The following DPP6 variants were observed in gnomAD, a reference collection of about 807,000 sequenced individuals.
The protein encoded by DPP6 is dipeptidyl peptidase like 6.
A neutral mutation model predicts 122.6 loss-of-function variants in DPP6; 69 were observed. That is an observed-to-expected ratio of 0.56 (90% CI 0.46 to 0.69). DPP6 has a LOEUF of 0.69. Among genes scored for constraint, DPP6 ranks in the 30% least tolerant of loss-of-function variants. The pLI is 0.00. For synonymous variants in DPP6, 418 were observed against 433.1 expected (o/e 0.97, Z 0.43); for missense variants, 928 against 1,116.9 (o/e 0.83, Z 2.41).
At position 154,240,270 on chromosome 7, in the gene DPP6, G is replaced by T. The variant is rs138375664; in HGVS notation, c.243+187207G>T. ...AACCATATTTTAAGATACTGCCAGC[G>T]TAGATTGTCTCTGTTACCACCGGAT... On this transcript the variant is annotated intron_variant, in intron 1 of 25. Coordinates refer to ENST00000377770, the MANE Select transcript of DPP6 (RefSeq NM_130797.4). Among the ~76,000 whole-genome samples the T allele has an allele frequency of 5.6e-4, 85 of 152,148 alleles. 1 individual carries two copies. Among genetic ancestry groups the T allele is most frequent in the African/African-American group, 2.0e-3 (82 of 41,494 alleles).
At chr7:154,495,816 C>T (rs553309543) in intron 3 of DPP6, among the ~76,000 whole-genome samples, 9 of 152,216 alleles carry the variant, frequency 5.9e-5, no homozygotes, top group Admixed American at 4.6e-4. Context: ...AACAAGTGGG[C>T]GAGTCACAAA....
chr7:154,603,571 G>A (rs1403339687), intron 5 of DPP6, among the ~76,000 whole-genome samples: 1 of 99,882 alleles, frequency 1.0e-5, no homozygotes. Flanking sequence ...CAGGAGAATT[G>A]CTTGAAACCA....
At position 154,603,862 on chromosome 7, in the gene DPP6, G is replaced by A. The variant is rs183332828; in HGVS notation, c.628-33959G>A. ...ATCTATGAAAATAAAAGTCAGGTTC[G>A]GATGTAGGGTTAGAATGTAATGATT... On this transcript the variant is annotated intron_variant, in intron 5 of 25. Transcript: ENST00000377770. 2.5e-5 allele frequency among the ~76,000 whole-genome samples: 3 copies of A among 117,896 alleles called. 1 individual carries two copies. Among genetic ancestry groups the A allele is most frequent in the Admixed American group, 2.0e-4 (2 of 10,232 alleles). The allele number at this position is 117,896 out of a possible 152,430, so 77.3% of individuals were successfully genotyped here. A position where few individuals can be genotyped will look rare whatever the true frequency, so the allele number is the denominator to read the frequency against.
intron 4 of DPP6, among the ~76,000 whole-genome samples, chr7:154,555,572 A>T (rs1296293636): frequency 5.9e-5 from 9 of 152,228 alleles, no homozygotes; most frequent in Middle Eastern, 3.4e-3. Context: ...CATATGTAAC[A>T]AACCTGCATG....
intron 3 of DPP6, among the ~76,000 whole-genome samples, chr7:154,521,965 ACT>A (rs1476651684): frequency 2.0e-5 from 3 of 148,734 alleles, no homozygotes; most frequent in African/African-American, 7.5e-5. Flanking sequence ...GGTCTTTCTA[ACT>A]CTTTTTTTTT....
At chr7:154,646,741 T>C (rs1388030727) in intron 6 of DPP6, among the ~76,000 whole-genome samples, 1 of 152,166 alleles carries the variant, frequency 6.6e-6, no homozygotes, top group Non-Finnish European at 1.5e-5. Context: ...CTGCCTGTAA[T>C]ACCAGTAGCT....
intron 1 of DPP6, among the ~76,000 whole-genome samples, chr7:154,270,593 C>G (rs1396703631): frequency 6.6e-6 from 1 of 152,150 alleles, no homozygotes; most frequent in Non-Finnish European, 1.5e-5. Context: ...TTCAGAAGCA[C>G]ATGGGTCTCC....
intron 3 of DPP6, among the ~76,000 whole-genome samples, chr7:154,495,280 G>T (rs978535588): frequency 7.2e-5 from 11 of 152,136 alleles, no homozygotes; most frequent in African/African-American, 2.7e-4. Context: ...GGCCATGGTG[G>T]GCTCTGAGTG....
intron 1 of DPP6, among the ~76,000 whole-genome samples, chr7:154,272,095 T>C (rs1325595233): frequency 3.3e-5 from 5 of 152,218 alleles, no homozygotes; most frequent in African/African-American, 1.2e-4. Context: ...AATTAGCTTC[T>C]TGAGAACAAG....
intron 1 of DPP6, among the ~76,000 whole-genome samples, chr7:154,032,364 G>A (rs1799288272): frequency 1.3e-5 from 2 of 152,090 alleles, no homozygotes; most frequent in Admixed American, 1.3e-4. Flanking sequence ...ATGAAGGAAT[G>A]GGAAGGAAAT....
rs539298064 is a variant in DPP6 at position 154,522,112 on chromosome 7, T to C, written c.458-18420T>C. Among the ~76,000 whole-genome samples the C allele has an allele frequency of 2.3e-3, 355 of 152,202 alleles. 4 individuals carry two copies. The highest frequency in any genetic ancestry group is 6.0e-3 in the South Asian group (29 of 4,826). On this transcript the variant is annotated intron_variant, in intron 3 of 25. Transcript: ENST00000377770. ...CCGGGTAGCTGGGACTACAGGCACCTGCCACCACGCCCGGCTAATTTTTGT... is the reference window on the plus strand; with the variant it reads ...CCGGGTAGCTGGGACTACAGGCACCCGCCACCACGCCCGGCTAATTTTTGT...
At chr7:154,243,449 A>C (rs890585896) in intron 1 of DPP6, among the ~76,000 whole-genome samples, 1 of 152,204 alleles carries the variant, frequency 6.6e-6, no homozygotes, top group Admixed American at 6.5e-5. Context: ...ACTGTAAAAA[A>C]TAAAATTTTA....
chr7:154,594,285 T>C (rs1026302061), intron 5 of DPP6, among the ~76,000 whole-genome samples: 1 of 152,200 alleles, frequency 6.6e-6, no homozygotes, highest in Admixed American at 6.5e-5. Flanking sequence ...ATTAATGCTA[T>C]TTCCAAAACT....
chr7:154,826,368 A>G (rs925838267), intron 16 of DPP6, among the ~76,000 whole-genome samples: 2 of 152,298 alleles, frequency 1.3e-5, no homozygotes, highest in Non-Finnish European at 2.9e-5. Context: ...CCCTGAAAAT[A>G]TTAGCATGGG....
chr7:154,862,514 C>A (rs1803493754), intron 17 of DPP6, among the ~76,000 whole-genome samples: 1 of 152,262 alleles, frequency 6.6e-6, no homozygotes, highest in African/African-American at 2.4e-5. Flanking sequence ...GAGTGGAAAG[C>A]AAGCCACGCA....
chr7:154,813,587 G>C (rs1799211961), intron 16 of DPP6, among the ~76,000 whole-genome samples: 1 of 152,020 alleles, frequency 6.6e-6, no homozygotes, highest in South Asian at 2.1e-4. Context: ...ATGACCCCTG[G>C]ATACTTGTGC....
intron 1 of DPP6, among the ~76,000 whole-genome samples, chr7:154,127,652 GACAC>G (rs66703506): frequency 5.4e-4 from 43 of 79,176 alleles, no homozygotes; most frequent in Middle Eastern, 8.1e-3. Flanking sequence ...CACACACACA[GACAC>G]ACACACACAC....
At chr7:154,425,591 T>C (rs1432861377) in intron 1 of DPP6, among the ~76,000 whole-genome samples, 1 of 111,028 alleles carries the variant, frequency 9.0e-6, no homozygotes, top group Non-Finnish European at 2.0e-5. Context: ...TATAGGTTAG[T>C]TTGGGGAAAA....
At chr7:153,876,784 T>G in the DPP6 span, among the ~76,000 whole-genome samples, 3 of 152,088 alleles carry the variant, frequency 2.0e-5, no homozygotes, top group African/African-American at 7.2e-5. Context: ...TTAGCCTATA[T>G]GGCATAGCTC....
Sources: gnomAD v4.1 joint callset for allele counts (sites outside exome capture counted in the v4.1 genomes callset) on GRCh38, gnomAD v4.1.1 for gene constraint, MANE v1.5 for transcripts, NCBI Gene and HGNC (gene_info 2026-07-23, HGNC 2026-07-21) for gene names.